Variants in SGTB observed in about 807,000 individuals in gnomAD.
SGTB encodes the protein small glutamine rich tetratricopeptide repeat co-chaperone beta.
A neutral mutation model predicts 43.9 loss-of-function variants in SGTB; 19 were observed. The observed-to-expected ratio is 0.43, with a 90% confidence interval of 0.30 to 0.63. The LOEUF is 0.63. Among genes scored for constraint, SGTB ranks in the 30% least tolerant of loss-of-function variants. The pLI is 0.12. For missense variants in SGTB, 304 were observed against 358.9 expected (o/e 0.85, Z 1.24); for synonymous variants, 116 against 117.3 (o/e 0.99, Z 0.07).
In SGTB at chr5:65,704,290, G is replaced by A; in HGVS notation, c.363C>T (p.Tyr121=). The change falls in exon 5 of 11, where the codon TAC becomes TAT. Residue 121 remains tyrosine (Y), a synonymous_variant. Transcript: ENST00000381007. ...TAGTGCTAGTTTACCTGTTGCAATA[G>A]TAAACTGCATTATTGGGATCCAATT... The part of the protein sequence containing the change: ...AIELDPNNAV[Y]YCNRAAAQSK... 1 of 1,602,196 alleles carries A rather than the reference G, an allele frequency of 6.2e-7. No homozygotes were observed. The highest frequency in any genetic ancestry group is 1.1e-5 in the South Asian group (1 of 89,136).
At chr5:65,698,908 A>C (rs1757761354) in intron 5 of SGTB, among the ~76,000 whole-genome samples, 1 of 152,192 alleles carries the variant, frequency 6.6e-6, no homozygotes. Context: ...CGTGGTGAAA[A>C]GGGAATGCTC....
chr5:65,710,128 G>A (rs1383785790), intron 3 of SGTB, among the ~76,000 whole-genome samples: 4 of 152,000 alleles, frequency 2.6e-5, no homozygotes, highest in Admixed American at 2.6e-4. Flanking sequence ...GAAACAACAT[G>A]AGAACCTTCC....
At chr5:65,674,707 C>T (rs1757231146) in intron 8 of SGTB, among the ~76,000 whole-genome samples, 1 of 152,022 alleles carries the variant, frequency 6.6e-6, no homozygotes, top group Non-Finnish European at 1.5e-5. Flanking sequence ...GGTCTCACAC[C>T]TTATTTTGGT....
At chr5:65,716,369 CTGTT>C (rs943612891) in intron 2 of SGTB, among the ~76,000 whole-genome samples, 1 of 152,182 alleles carries the variant, frequency 6.6e-6, no homozygotes, top group African/African-American at 2.4e-5. Flanking sequence ...CTCACATACT[CTGTT>C]TGTAAAGATC....
chr5:65,717,596 T>C (rs913265799), intron 2 of SGTB, among the ~76,000 whole-genome samples: 1 of 151,848 alleles, frequency 6.6e-6, no homozygotes, highest in African/African-American at 2.4e-5. Context: ...TTTCTTATTA[T>C]TTCAGCTTTC....
intron 5 of SGTB, among the ~76,000 whole-genome samples, chr5:65,691,723 A>G (rs3097199): frequency 0.33 from 49,361 of 150,750 alleles, 8,413 homozygotes; most frequent in Non-Finnish European, 0.37. Context: ...GGCAGATCAC[A>G]AGGTCAGGAG....
intron 4 of SGTB, among the ~76,000 whole-genome samples, 189 bp downstream of exon 4, chr5:65,708,300 G>A (rs2150720864): frequency 6.6e-6 from 1 of 152,246 alleles, no homozygotes; most frequent in Non-Finnish European, 1.5e-5. Context: ...AGCCGTAACT[G>A]TACTGCCCAC....
intron 8 of SGTB, among the ~76,000 whole-genome samples, chr5:65,675,018 G>A (rs1757239531): frequency 6.6e-6 from 1 of 152,136 alleles, no homozygotes; most frequent in Admixed American, 6.5e-5. Context: ...GGAAACAAAA[G>A]ATGAATAAAA....
intron 6 of SGTB, among the ~76,000 whole-genome samples, chr5:65,683,047 C>G (rs1417896008): frequency 6.6e-6 from 1 of 151,790 alleles, no homozygotes; most frequent in Admixed American, 6.6e-5. Context: ...TAGCATTGAA[C>G]TCATAGCCAA....
At chr5:65,722,186 G>C (rs1579895672), upstream of SGTB, 3 of 279,610 alleles carry the variant, frequency 1.1e-5, no homozygotes, top group South Asian at 4.6e-4. Context: ...GGCGGGGCAC[G>C]GCGCGGGGCG....
intron 2 of SGTB, among the ~76,000 whole-genome samples, chr5:65,713,803 G>T (rs1340667267): frequency 6.6e-6 from 1 of 152,070 alleles, no homozygotes; most frequent in African/African-American, 2.4e-5. Flanking sequence ...CAAGGAGAGT[G>T]GATTGCCTGA....
At chr5:65,684,309 C>A (rs1757456142) in intron 6 of SGTB, among the ~76,000 whole-genome samples, 2 of 152,042 alleles carry the variant, frequency 1.3e-5, no homozygotes, top group Admixed American at 1.3e-4. Context: ...GTCTTGAACT[C>A]CTGGGCTCAA....
At chr5:65,712,408 T>C (rs1461906339) in intron 3 of SGTB, among the ~76,000 whole-genome samples, 1 of 152,212 alleles carries the variant, frequency 6.6e-6, no homozygotes, top group Non-Finnish European at 1.5e-5. Context: ...CATGTATAAA[T>C]AGTCCCCAGG....
chr5:65,709,778 T>C (rs1758010456), intron 3 of SGTB, among the ~76,000 whole-genome samples: 1 of 152,190 alleles, frequency 6.6e-6, no homozygotes, highest in Non-Finnish European at 1.5e-5. Context: ...TTTTTTTATA[T>C]TGTATAGAGA....
At chr5:65,704,052 ATAAAT>A (rs1332514591) in intron 5 of SGTB, among the ~76,000 whole-genome samples, 3 of 145,206 alleles carry the variant, frequency 2.1e-5, no homozygotes, top group Non-Finnish European at 4.6e-5. Context: ...AAAAAAAAAA[ATAAAT>A]AAATAAATAA....
chr5:65,688,223 A>C (rs1448817227), intron 5 of SGTB, among the ~76,000 whole-genome samples: 1 of 152,212 alleles, frequency 6.6e-6, no homozygotes, highest in African/African-American at 2.4e-5. Flanking sequence ...GAAGAAAAAA[A>C]ATCTTGTCCA....
intron 2 of SGTB, among the ~76,000 whole-genome samples, chr5:65,715,009 T>G (rs1392180091): frequency 1.3e-5 from 2 of 152,184 alleles, no homozygotes; most frequent in Admixed American, 1.3e-4. Flanking sequence ...AAAGTTGGAT[T>G]TGAGAAATTG....
Position 65,672,280 on chromosome 5 carries a change from G to T in SGTB, c.683C>A (p.Ala228Glu). ...TTGAGGGTTCTGCATTAAACTTGCC[G>T]CCTGGAATTGAAAAACAGCACCTCC... ...LINNPAFISM[A>E]ASLMQNPQVQ... The change falls in exon 9 of 11, where the codon GCG becomes GAG. Residue 228 changes from alanine to glutamate, a missense_variant and splice_region_variant. Transcript: ENST00000381007. 1.2e-6 allele frequency: 2 copies of T among 1,613,998 alleles called. No homozygotes were observed. Among genetic ancestry groups the T allele is most frequent in the Non-Finnish European group, 1.7e-6 (2 of 1,179,956 alleles).
intron 8 of SGTB, among the ~76,000 whole-genome samples, chr5:65,673,097 A>G (rs969477992): frequency 6.6e-6 from 1 of 152,116 alleles, no homozygotes; most frequent in African/African-American, 2.4e-5. Flanking sequence ...TTCTCCCACA[A>G]TCTAGGACCT....
Sources: allele counts gnomAD v4.1 joint callset (sites outside exome capture counted in the v4.1 genomes callset), GRCh38; gene constraint gnomAD v4.1.1; transcripts MANE v1.5; gene names NCBI Gene and HGNC (gene_info 2026-07-23, HGNC 2026-07-21).